TMEM123: variants seen among roughly 807,000 people sequenced by gnomAD.
TMEM123 encodes the protein porimin.
In TMEM123, 16 loss-of-function variants were observed where a neutral mutation model predicts 19.7. That is an observed-to-expected ratio of 0.81 (90% CI 0.55 to 1.23). TMEM123 has a LOEUF of 1.23. Among genes scored for constraint, TMEM123 ranks in the 50% most tolerant of loss-of-function variants. The pLI is 0.00. For missense variants in TMEM123, 313 were observed against 257.8 expected, an observed-to-expected ratio of 1.21 and a Z score of -1.47; for synonymous variants, 118 against 99.4, an observed-to-expected ratio of 1.19 and a Z score of -1.12.
chr11:102,408,275 A>G (rs986765230), intron 2 of TMEM123, among the ~76,000 whole-genome samples: 3 of 152,200 alleles, frequency 2.0e-5, no homozygotes, highest in Non-Finnish European at 2.9e-5. Context: ...GCTATGAGTG[A>G]TGTCTGGCAC....
At chr11:102,448,346 G>A (rs1857905141) in intron 2 of TMEM123, 29 of 452,680 alleles carry the variant, frequency 6.4e-5, no homozygotes, top group South Asian at 4.4e-4. Flanking sequence ...ACAGGGTAAG[G>A]GCCTCACCAA....
chr11:102,444,180 G>A (rs568926820), intron 2 of TMEM123, among the ~76,000 whole-genome samples: 7 of 152,240 alleles, frequency 4.6e-5, no homozygotes, highest in East Asian at 1.9e-4. Context: ...CATTTGACCC[G>A]GCCATCCCAT....
chr11:102,450,827 C>T (rs1857930866), intron 1 of TMEM123, among the ~76,000 whole-genome samples: 1 of 152,156 alleles, frequency 6.6e-6, no homozygotes, highest in African/African-American at 2.4e-5. Context: ...AATATGTACC[C>T]AGTAAAAATC....
rs57729827 is a variant in TMEM123, at chr11:102,426,859, TCC to T, written c.157+21951_157+21952del. Among the ~76,000 whole-genome samples, 28 of 4,144 alleles carry T rather than the reference TCC, an allele frequency of 6.8e-3. 12 individuals carry two copies. The highest frequency in any genetic ancestry group is 0.018 in the African/African-American group (28 of 1,578). 2.7% of individuals were successfully genotyped at this position (4,144 alleles called of 152,430 possible). On this transcript the variant is annotated intron_variant, in intron 2 of 4. Coordinates refer to ENST00000398136, the MANE Select transcript of TMEM123 (RefSeq NM_052932.3). ...CATGGCTTAATGTTTTTAAAGTAGT[TCC>T]CCCCCCCCCCCCATTTATTGCTCAA...
chr11:102,396,778 C>G lies in TMEM123; in HGVS notation c.*2089G>C, dbSNP rs1565344988. On this transcript the variant is annotated 3_prime_UTR_variant, in exon 5 of 5. Transcript: ENST00000398136. The stretch of plus-strand genomic sequence containing the variant: ...TACTACTTACATACAGAGAAAAAGA[C>G]ATAACTAAACTACTTCAAACCCAAT... 6.6e-6 allele frequency: 1 copy of G among 152,078 alleles called. No individual in the cohort carries two copies. Among genetic ancestry groups the G allele is most frequent in the Non-Finnish European group, 1.5e-5 (1 of 68,008 alleles). 9.4% of individuals were successfully genotyped at this position (152,078 alleles called of 1,614,324 possible).
At chr11:102,429,317 T>C (rs907316416) in intron 2 of TMEM123, among the ~76,000 whole-genome samples, 3 of 152,222 alleles carry the variant, frequency 2.0e-5, no homozygotes, top group African/African-American at 7.2e-5. Flanking sequence ...TCTGGGATGA[T>C]GTCTACTTTC....
chr11:102,405,476 C>T (rs1205108336), intron 2 of TMEM123, among the ~76,000 whole-genome samples: 1 of 152,160 alleles, frequency 6.6e-6, no homozygotes, highest in Non-Finnish European at 1.5e-5. Flanking sequence ...CTAATCTTTT[C>T]TTATTCAAGT....
chr11:102,440,961 T>C lies in TMEM123; in HGVS notation c.157+7851A>G, dbSNP rs1428204894. On this transcript the variant is annotated intron_variant, in intron 2 of 4. Transcript: ENST00000398136. Reference sequence around the variant, plus strand: ...AGAGACAAAGAAGGCCATTACATAATGGTAAAGGGATCCATTCAACAAGAA... The same window carrying C: ...AGAGACAAAGAAGGCCATTACATAACGGTAAAGGGATCCATTCAACAAGAA... Among the ~76,000 whole-genome samples the C allele has an allele frequency of 2.0e-5, 3 of 152,152 alleles. No homozygotes were observed. In the East Asian group the frequency reaches 5.8e-4, roughly 29 times the overall value.
intron 2 of TMEM123, among the ~76,000 whole-genome samples, chr11:102,407,057 T>C (rs1249457677): frequency 6.6e-6 from 1 of 151,922 alleles, no homozygotes; most frequent in Non-Finnish European, 1.5e-5. Flanking sequence ...ACATCTGCCA[T>C]CCAGAGGGCA....
chr11:102,397,106 C>G lies in TMEM123; in HGVS notation c.*1761G>C, dbSNP rs1211643782. On this transcript the variant is annotated 3_prime_UTR_variant, in exon 5 of 5. Transcript: ENST00000398136. The stretch of plus-strand genomic sequence containing the variant: ...CACCTCTCCTTCAAACTAAACTAAT[C>G]TAAATGTATTTTTCAGAAAATTTCC... 5 of 152,184 alleles carry G rather than the reference C, an allele frequency of 3.3e-5. No individual in the cohort carries two copies. Among genetic ancestry groups the G allele is most frequent in the African/African-American group, 1.2e-4 (5 of 41,440 alleles). The allele number at this position is 152,184 out of a possible 1,614,324, so 9.4% of individuals were successfully genotyped here. A position where few individuals can be genotyped will look rare whatever the true frequency, so the allele number is the denominator to read the frequency against.
chr11:102,401,922 C>G lies in TMEM123; in HGVS notation c.442G>C (p.Val148Leu). Residue 148 changes from valine (V) to leucine (L), a missense_variant, in exon 3 of 5, where the codon GTA becomes CTA. Val to Leu is a conservative substitution (Grantham distance 32). Coordinates refer to ENST00000398136, the MANE Select transcript of TMEM123 (RefSeq NM_052932.3). ...NSSVTSAASSVTITTTMHSEA... is the reference protein window; with the variant it reads ...NSSVTSAASSLTITTTMHSEA... ...GGTCAGCTTTAATACATACTTGTTA[C>G]TGATGAAGCAGCAGATGTCACTGAA... 6.2e-7 allele frequency: 1 copy of G among 1,613,414 alleles called. No individual in the cohort carries two copies.
chr11:102,412,845 G>T (rs1489712445), intron 2 of TMEM123, among the ~76,000 whole-genome samples: 1 of 152,078 alleles, frequency 6.6e-6, no homozygotes, highest in Non-Finnish European at 1.5e-5. Context: ...AAATTCATAA[G>T]GAAATGACAG....
At position 102,407,729 on chromosome 11, in the gene TMEM123, C is replaced by T. The variant is rs74526197; in HGVS notation, c.158-5523G>A. Reference sequence around the variant, plus strand: ...GGGAATGCCATGGATTGCCACAAACCGCCAGAAGCCAGAGGAGAGGCATGG... The same window carrying T: ...GGGAATGCCATGGATTGCCACAAACTGCCAGAAGCCAGAGGAGAGGCATGG... On this transcript the variant is annotated intron_variant, in intron 2 of 4. Transcript: ENST00000398136. 1.8e-3 allele frequency among the ~76,000 whole-genome samples: 276 copies of T among 152,186 alleles called. 8 individuals are homozygous for T. The East Asian group carries it at 0.04, about 22-fold the overall frequency.
intron 1 of TMEM123, among the ~76,000 whole-genome samples, chr11:102,450,443 T>C (rs961514275): frequency 1.3e-5 from 2 of 152,206 alleles, no homozygotes; most frequent in African/African-American, 4.8e-5. Flanking sequence ...CTACAATAAA[T>C]CCTGTTTGCT....
chr11:102,417,431 AC>A (rs1952051363), intron 2 of TMEM123, among the ~76,000 whole-genome samples: 1 of 152,186 alleles, frequency 6.6e-6, no homozygotes, highest in Non-Finnish European at 1.5e-5. Context: ...ACATACAAAT[AC>A]CTAGGAATAC....
At position 102,398,238 on chromosome 11, in the gene TMEM123, A is replaced by G. The variant is rs1048441146; in HGVS notation, c.*629T>C. ...AAAATATGTGCTCCTTAATGCTCCA[A>G]TGGATCCCTAACAGGGCTAAGCAAA... On this transcript the variant is annotated 3_prime_UTR_variant, in exon 5 of 5. Coordinates refer to ENST00000398136, the MANE Select transcript of TMEM123 (RefSeq NM_052932.3). 1.9e-5 allele frequency: 4 copies of G among 207,552 alleles called. No homozygotes were observed. The highest frequency in any genetic ancestry group is 3.8e-5 in the Non-Finnish European group (4 of 105,288). The allele number at this position is 207,552 out of a possible 1,614,324, so 12.9% of individuals were successfully genotyped here. A position where few individuals can be genotyped will look rare whatever the true frequency, so the allele number is the denominator to read the frequency against.
chr11:102,398,268 T>C lies in TMEM123; in HGVS notation c.*599A>G, dbSNP rs745487650. On this transcript the variant is annotated 3_prime_UTR_variant, in exon 5 of 5. Transcript: ENST00000398136. ...TCCCTAACAGGGCTAAGCAAAGCTA[T>C]TATTTTGGGTTTTATTTGAAAATTT... The C allele has an allele frequency of 1.2e-5, 3 of 250,684 alleles. No homozygotes were observed. Among genetic ancestry groups the C allele is most frequent in the Non-Finnish European group, 2.2e-5 (3 of 133,522 alleles). 15.5% of individuals were successfully genotyped at this position (250,684 alleles called of 1,614,324 possible).
In TMEM123 at chr11:102,452,506, AC is replaced by A; in HGVS notation, c.100+17del. On this transcript the variant is annotated intron_variant, in intron 1 of 4. Transcript: ENST00000398136. ...CTGCCTCCCACGAACGGGGCTGACGACCCCCGCAGCCACTTACCCGCCATGG... is the reference window on the plus strand; with the variant it reads ...CTGCCTCCCACGAACGGGGCTGACGACCCCGCAGCCACTTACCCGCCATGG... 1 of 1,492,294 alleles carries A rather than the reference AC, an allele frequency of 6.7e-7. No homozygotes were observed. Among genetic ancestry groups the A allele is most frequent in the Non-Finnish European group, 8.9e-7 (1 of 1,118,372 alleles). 92.4% of individuals were successfully genotyped at this position (1,492,294 alleles called of 1,614,324 possible).
intron 2 of TMEM123, among the ~76,000 whole-genome samples, chr11:102,430,035 AT>A (rs545811694): frequency 2.6e-4 from 39 of 152,178 alleles, no homozygotes; most frequent in Non-Finnish European, 5.6e-4. Context: ...TGCTCTGTCC[AT>A]CCCCTTCCCC....
Sources: gnomAD v4.1 joint callset for allele counts (sites outside exome capture counted in the v4.1 genomes callset) on GRCh38, gnomAD v4.1.1 for gene constraint, MANE v1.5 for transcripts, NCBI Gene and HGNC (gene_info 2026-07-23, HGNC 2026-07-21) for gene names.